SPATS1: variants seen among roughly 807,000 people sequenced by gnomAD.
SPATS1 encodes spermatogenesis-associated serine-rich protein 1.
Under a neutral mutation model 33.6 loss-of-function variants are expected in SPATS1, and 23 were observed. The ratio of observed to expected loss-of-function variants is 0.68; its 90% CI spans 0.49 to 0.97. The LOEUF (loss-of-function observed/expected upper bound fraction) is 0.97, where lower values mean the gene tolerates loss of function less well. SPATS1 is among the 50% of genes least tolerant of loss of function. The probability of loss-of-function intolerance (pLI) is 0.00; values close to 1 mark genes in which losing one functional copy is unlikely to be tolerated. For synonymous variants in SPATS1, 131 were observed against 125.6 expected, an observed-to-expected ratio of 1.04 and a Z score of -0.29; for missense variants, 327 against 361.0, an observed-to-expected ratio of 0.91 and a Z score of 0.76.
chr6:44,378,547 G>C lies in SPATS1; in HGVS notation c.*1484G>C, dbSNP rs906357108. 1 of 152,202 alleles carries C rather than the reference G, an allele frequency of 6.6e-6. No homozygotes were observed. Among genetic ancestry groups the C allele is most frequent in the Non-Finnish European group, 1.5e-5 (1 of 68,086 alleles). The allele number at this position is 152,202 out of a possible 1,614,324, so 9.4% of individuals were successfully genotyped here. The stretch of plus-strand genomic sequence containing the variant: ...AGCACTTTTGGAGGCCGAGGCAGGC[G>C]AATCACTTGAGGTCAGGAGTTCGAG... On this transcript the variant is annotated 3_prime_UTR_variant, in exon 9 of 9. Coordinates refer to ENST00000674044, the MANE Select transcript of SPATS1 (RefSeq NM_001372081.1).
chr6:44,352,066 CA>C (rs1182896604), intron 2 of SPATS1, among the ~76,000 whole-genome samples: 1 of 152,154 alleles, frequency 6.6e-6, no homozygotes, highest in Non-Finnish European at 1.5e-5. Flanking sequence ...CAGTCTAGTA[CA>C]GGGCTTAGAA....
At chr6:44,370,976 A>G (rs887784265) in intron 7 of SPATS1, among the ~76,000 whole-genome samples, 3 of 145,746 alleles carry the variant, frequency 2.1e-5, no homozygotes, top group African/African-American at 7.4e-5. Flanking sequence ...CCTAAAAAGA[A>G]AGGTTTTTTT....
At position 44,376,412 on chromosome 6, in the gene SPATS1, G is replaced by A; in HGVS notation, c.813G>A (p.Glu271=). 5 of 1,613,276 alleles carry A rather than the reference G, an allele frequency of 3.1e-6. No homozygotes were observed. The highest frequency in any genetic ancestry group is 3.4e-6 in the Non-Finnish European group (4 of 1,179,774). The part of the protein sequence containing the change: ...KANSLKNEIQ[E]VEELDNWQPA... ...ACAGTTTGAAAAATGAGATACAAGAGGTTGAGGAGCTTGACAACTGGCAGC... is the reference window on the plus strand; with the variant it reads ...ACAGTTTGAAAAATGAGATACAAGAAGTTGAGGAGCTTGACAACTGGCAGC... Residue 271 remains glutamate, a synonymous_variant, in exon 8 of 9, where the codon GAG becomes GAA. Transcript: ENST00000674044.
intron 2 of SPATS1, among the ~76,000 whole-genome samples, chr6:44,349,727 C>T (rs1401092568): frequency 2.0e-5 from 3 of 152,128 alleles, no homozygotes; most frequent in Non-Finnish European, 1.5e-5. Flanking sequence ...AGTTGAATCC[C>T]ACAAGTTTTG....
chr6:44,376,379 G>A lies in SPATS1; in HGVS notation c.780G>A (p.Glu260=). The change falls in exon 8 of 9, where the codon GAG becomes GAA. Residue 260 remains glutamate (E), a synonymous_variant. Coordinates refer to ENST00000674044, the MANE Select transcript of SPATS1 (RefSeq NM_001372081.1). Reference sequence around the variant, plus strand: ...ACAGCTTGCCTTTCTGGGTGAAGGAGAAGGCCAACAGTTTGAAAAATGAGA... The same window carrying A: ...ACAGCTTGCCTTTCTGGGTGAAGGAAAAGGCCAACAGTTTGAAAAATGAGA... ...QIPNLPFWVK[E]KANSLKNEIQ... is the part of the protein sequence containing the mutation. 5 of 1,613,006 alleles carry A rather than the reference G, an allele frequency of 3.1e-6. 1 individual carries two copies. Among genetic ancestry groups the A allele is most frequent in the African/African-American group, 1.3e-5 (1 of 74,984 alleles).
At chr6:44,354,682 T>C (rs1788458421) in intron 3 of SPATS1, among the ~76,000 whole-genome samples, 5 of 152,298 alleles carry the variant, frequency 3.3e-5, no homozygotes, top group African/African-American at 2.4e-5. Flanking sequence ...TTTATTACCA[T>C]GGATGAACCT....
At chr6:44,349,221 C>T (rs1014870405) in intron 2 of SPATS1, among the ~76,000 whole-genome samples, 1 of 150,402 alleles carries the variant, frequency 6.6e-6, no homozygotes, top group African/African-American at 2.5e-5. Flanking sequence ...ATTGCTTGAA[C>T]CCTGGAGTTG....
At chr6:44,374,371 G>A (rs940047590) in intron 7 of SPATS1, among the ~76,000 whole-genome samples, 5 of 152,126 alleles carry the variant, frequency 3.3e-5, no homozygotes, top group African/African-American at 1.2e-4. Context: ...TGTTAATTGT[G>A]TCTTTTAGCA....
chr6:44,375,900 A>T (rs574520923), intron 7 of SPATS1, among the ~76,000 whole-genome samples: 1 of 151,780 alleles, frequency 6.6e-6, no homozygotes, highest in Non-Finnish European at 1.5e-5. Context: ...TAGGTCGGAA[A>T]TTCGATACCA....
At chr6:44,373,516 T>C (rs1228935615) in intron 7 of SPATS1, among the ~76,000 whole-genome samples, 1 of 152,264 alleles carries the variant, frequency 6.6e-6, no homozygotes, top group African/African-American at 2.4e-5. Context: ...TGTAGGTTTT[T>C]TCCCAAGTTA....
chr6:44,356,052 A>T (rs897844316), intron 3 of SPATS1, among the ~76,000 whole-genome samples: 5 of 152,220 alleles, frequency 3.3e-5, no homozygotes, highest in African/African-American at 9.6e-5. Context: ...CTTTAGATTG[A>T]TATATTGAAC....
At chr6:44,375,532 G>A (rs1789881356) in intron 7 of SPATS1, among the ~76,000 whole-genome samples, 3 of 152,204 alleles carry the variant, frequency 2.0e-5, no homozygotes, top group Admixed American at 2.0e-4. Context: ...AAGCACGGGT[G>A]GGGATGGTGG....
At chr6:44,344,169 A>C (rs1481516971) in intron 2 of SPATS1, among the ~76,000 whole-genome samples, 3 of 152,156 alleles carry the variant, frequency 2.0e-5, no homozygotes, top group Non-Finnish European at 2.9e-5. Context: ...GTTTGGGGTA[A>C]AGGAAGAAGC....
chr6:44,363,857 T>C (rs1413163533), intron 5 of SPATS1, among the ~76,000 whole-genome samples: 1 of 152,234 alleles, frequency 6.6e-6, no homozygotes, highest in East Asian at 1.9e-4. Flanking sequence ...TCACAAATAC[T>C]TGCGTTCTTT....
intron 2 of SPATS1, among the ~76,000 whole-genome samples, chr6:44,350,707 A>T (rs2153365670): frequency 6.6e-6 from 1 of 152,364 alleles, no homozygotes; most frequent in African/African-American, 2.4e-5. Context: ...AATGAATAAA[A>T]AATTCTCTGA....
In SPATS1 at chr6:44,360,466, G is replaced by A. The variant is rs762399024; in HGVS notation, c.308G>A (p.Arg103Gln). Residue 103 changes from arginine to glutamine, a missense_variant, in exon 4 of 9, where the codon CGG (arginine) becomes CAG (glutamine). By Grantham distance (43) the Arg-to-Gln change is conservative. Coordinates refer to ENST00000674044, the MANE Select transcript of SPATS1 (RefSeq NM_001372081.1). ...TCCAGCACCACTGCTGACTTGGATC[G>A]GAAACTCTCCTTCTCACATTCTGAT... is the stretch of plus-strand genomic sequence containing the variant. ...AYVDTTADLDRKLSFSHSDHS... is the reference protein window; with the variant it reads ...AYVDTTADLDQKLSFSHSDHS... 2.2e-5 allele frequency: 36 copies of A among 1,613,936 alleles called. 1 individual carries two copies. The highest frequency in any genetic ancestry group is 1.6e-4 in the Middle Eastern group (1 of 6,080).
chr6:44,344,548 T>C (rs933055996), intron 2 of SPATS1, among the ~76,000 whole-genome samples: 3 of 151,716 alleles, frequency 2.0e-5, no homozygotes, highest in African/African-American at 7.3e-5. Flanking sequence ...TAAGCAGGGG[T>C]GGGAAATAGT....
At chr6:44,363,575 T>G (rs1243412910) in intron 5 of SPATS1, among the ~76,000 whole-genome samples, 1 of 152,200 alleles carries the variant, frequency 6.6e-6, no homozygotes. Flanking sequence ...AATTTTATGT[T>G]TATGATTCTT....
At chr6:44,366,111 CTA>C (rs34751837) in intron 5 of SPATS1, among the ~76,000 whole-genome samples, 3 of 137,008 alleles carry the variant, frequency 2.2e-5, no homozygotes, top group African/African-American at 7.8e-5. Flanking sequence ...TTACCATAGT[CTA>C]TATATATATA....
Sources: gnomAD v4.1 joint callset for allele counts (sites outside exome capture counted in the v4.1 genomes callset) on GRCh38, gnomAD v4.1.1 for gene constraint, MANE v1.5 for transcripts, NCBI Gene and HGNC (gene_info 2026-07-23, HGNC 2026-07-21) for gene names.